The following DOCK11 variants were observed in gnomAD, a reference collection of about 807,000 sequenced individuals.
DOCK11 encodes the protein dedicator of cytokinesis 11.
In DOCK11, 70 loss-of-function variants were observed where a neutral mutation model predicts 169.1. That is an observed-to-expected ratio of 0.41 (90% CI 0.34 to 0.51). DOCK11 has a LOEUF of 0.51. Among genes scored for constraint, DOCK11 ranks in the 20% least tolerant of loss-of-function variants. The pLI is 0.10. For synonymous variants in DOCK11, 529 were observed against 541.3 expected, an observed-to-expected ratio of 0.98 and a Z score of 0.32; for missense variants, 1,166 against 1,538.8, an observed-to-expected ratio of 0.76 and a Z score of 4.05.
intron 1 of DOCK11, among the ~76,000 whole-genome samples, chrX:118,532,576 C>T (rs1333151926): frequency 2.8e-5 from 3 of 109,061 alleles, no homozygotes; most frequent in South Asian, 8.1e-4. Context: ...GTCAGGAGAT[C>T]GAGACCATCC....
chrX:118,526,403 A>C (rs947938045), intron 1 of DOCK11, among the ~76,000 whole-genome samples: 2 of 112,352 alleles, frequency 1.8e-5, no homozygotes, highest in African/African-American at 6.5e-5. Context: ...CTTCAAAAGG[A>C]ACTCTGGCCA....
intron 14 of DOCK11, 100 bp downstream of exon 14, chrX:118,580,279 A>G (rs770984019): frequency 4.7e-6 from 3 of 639,699 alleles, no homozygotes; most frequent in Admixed American, 8.0e-5. Context: ...CTGGCAGGCC[A>G]GTTGTATCTT....
Position 118,573,791 on chromosome X carries a change from T to C in DOCK11, c.1177-15T>C. On this transcript the variant is annotated splice_polypyrimidine_tract_variant and intron_variant, in intron 11 of 52. Transcript: ENST00000276202. ...TAAAGTCTCAGTTTTAAAATGTAAC[T>C]GTTTTCATTCCCAGGTTGAGCCCTT... 1 of 1,186,566 alleles carries C rather than the reference T, an allele frequency of 8.4e-7. No individual in the cohort carries two copies. Among genetic ancestry groups the C allele is most frequent in the Non-Finnish European group, 1.1e-6 (1 of 878,299 alleles).
intron 51 of DOCK11, among the ~76,000 whole-genome samples, chrX:118,682,665 A>C (rs1439007996): frequency 8.9e-6 from 1 of 112,491 alleles, no homozygotes; most frequent in East Asian, 2.8e-4. Flanking sequence ...CTAGCAGCCC[A>C]GGGAAGATCC....
chrX:118,666,248 CTG>C (rs1378314129), intron 45 of DOCK11, among the ~76,000 whole-genome samples: 1 of 112,074 alleles, frequency 8.9e-6, no homozygotes, highest in Non-Finnish European at 1.9e-5. Flanking sequence ...CAGAACGAGA[CTG>C]TGTCTCAAAA....
rs1388146513 is a variant in DOCK11, at chrX:118,682,992, A to G, written c.5964-87A>G. ...TTCTGATCTTCTTCCTAGGCAAGCC[A>G]TGGCTAAACTGAGTTATCAAATGGA... is the stretch of plus-strand genomic sequence containing the variant. On this transcript the variant is annotated intron_variant, in intron 51 of 52. Coordinates refer to ENST00000276202, the MANE Select transcript of DOCK11 (RefSeq NM_144658.4). 5 of 936,189 alleles carry G rather than the reference A, an allele frequency of 5.3e-6. No homozygotes were observed. In the African/African-American group the frequency reaches 1.0e-4, roughly 19 times the overall value. The allele number at this position is 936,189 out of a possible 1,213,427, so 77.2% of individuals were successfully genotyped here. A position where few individuals can be genotyped will look rare whatever the true frequency, so the allele number is the denominator to read the frequency against.
chrX:118,607,780 A>G (rs1487727850), intron 24 of DOCK11, among the ~76,000 whole-genome samples: 1 of 111,854 alleles, frequency 8.9e-6, no homozygotes, highest in African/African-American at 3.3e-5. Flanking sequence ...GATAGTAGCT[A>G]CCACCATGCT....
chrX:118,660,640 ATTT>A (rs112516619), intron 44 of DOCK11, among the ~76,000 whole-genome samples: 1 of 99,687 alleles, frequency 1.0e-5, no homozygotes, highest in Non-Finnish European at 2.1e-5. Context: ...AATTTTTTGT[ATTT>A]TTTTTTTTAG....
At chrX:118,539,685 A>G (rs1339764388) in intron 1 of DOCK11, among the ~76,000 whole-genome samples, 1 of 111,157 alleles carries the variant, frequency 9.0e-6, no homozygotes, top group Non-Finnish European at 1.9e-5. Flanking sequence ...ACCACTTTGT[A>G]CCCCATAAAT....
intron 1 of DOCK11, among the ~76,000 whole-genome samples, chrX:118,534,117 T>G (rs894232183): frequency 3.6e-5 from 4 of 112,156 alleles, no homozygotes; most frequent in African/African-American, 1.3e-4. Context: ...AAACCTCTTT[T>G]GTGTTACTTT....
chrX:118,613,608 G>A (rs1313142976), intron 28 of DOCK11, among the ~76,000 whole-genome samples: 4 of 112,621 alleles, frequency 3.6e-5, no homozygotes, highest in East Asian at 5.6e-4. Context: ...TAGAAGTAGC[G>A]AAAGAATTGC....
chrX:118,496,459 C>T (rs1325878380), intron 1 of DOCK11, among the ~76,000 whole-genome samples: 1 of 112,880 alleles, frequency 8.9e-6, no homozygotes, highest in Non-Finnish European at 1.9e-5. Flanking sequence ...ATCCTGATCC[C>T]CTCCCGCGAG....
intron 45 of DOCK11, among the ~76,000 whole-genome samples, chrX:118,668,494 A>C (rs1170919024): frequency 9.0e-6 from 1 of 111,041 alleles, no homozygotes; most frequent in Non-Finnish European, 1.9e-5. Context: ...GTTTGTCCCA[A>C]AATTGCTGGA....
At chrX:118,540,633 A>C (rs575454221) in intron 1 of DOCK11, among the ~76,000 whole-genome samples, 1 of 111,322 alleles carries the variant, frequency 9.0e-6, no homozygotes, top group East Asian at 2.8e-4. Flanking sequence ...CTCATTGGTC[A>C]GAGTAGTTTA....
chrX:118,582,615 C>T (rs77234974), intron 14 of DOCK11, among the ~76,000 whole-genome samples: 2,009 of 111,287 alleles, frequency 0.018, 50 homozygotes, highest in East Asian at 0.11. Context: ...GTATGCTTAG[C>T]GAAGGATATG....
rs184683684 is a variant in DOCK11, at chrX:118,504,742, C to T, written c.102+8669C>T. Among the ~76,000 whole-genome samples the T allele has an allele frequency of 3.8e-3, 426 of 111,710 alleles. 2 individuals are homozygous for T. Among genetic ancestry groups the T allele is most frequent in the Middle Eastern group, 0.014 (3 of 218 alleles). On this transcript the variant is annotated intron_variant, in intron 1 of 52. Transcript: ENST00000276202. ...GAGTTGGTGGGTAACATTGGCCTGC[C>T]GTTTATATCAGCCTACAGCCAGATG...
At chrX:118,647,685 T>A (rs2015740356) in intron 40 of DOCK11, among the ~76,000 whole-genome samples, 1 of 57,113 alleles carries the variant, frequency 1.8e-5, no homozygotes, top group African/African-American at 7.5e-5. Context: ...TATATAATAT[T>A]ATATTATAAT....
In DOCK11 at chrX:118,561,368, GTT is replaced by G. The variant is rs779470465; in HGVS notation, c.559-12_559-11del. 1 of 1,170,081 alleles carries G rather than the reference GTT, an allele frequency of 8.5e-7. No individual in the cohort carries two copies. Among genetic ancestry groups the G allele is most frequent in the Non-Finnish European group, 1.1e-6 (1 of 875,178 alleles). Reference sequence around the variant, plus strand: ...TATGTAACAAATGTATCATTGCTGGGTTTTCCCCATGTAGGTATTCAAGAGAC... The same window carrying G: ...TATGTAACAAATGTATCATTGCTGGGTTCCCCATGTAGGTATTCAAGAGAC... On this transcript the variant is annotated splice_polypyrimidine_tract_variant and intron_variant, in intron 6 of 52. Transcript: ENST00000276202.
chrX:118,507,217 C>T (rs1031333320), intron 1 of DOCK11, among the ~76,000 whole-genome samples: 7 of 112,342 alleles, frequency 6.2e-5, no homozygotes, highest in African/African-American at 2.3e-4. Flanking sequence ...GCGTTCCCAT[C>T]GCATTGCTTT....
Sources: allele counts gnomAD v4.1 joint callset (sites outside exome capture counted in the v4.1 genomes callset), GRCh38; gene constraint gnomAD v4.1.1; transcripts MANE v1.5; gene names NCBI Gene and HGNC (gene_info 2026-07-23, HGNC 2026-07-21).